The following DSG2 variants were observed in gnomAD, a reference collection of about 807,000 sequenced individuals.
DSG2 encodes the protein desmoglein-2.
DSG2 carries 45 observed loss-of-function variants against 75.6 expected under a neutral mutation model. The ratio of observed to expected loss-of-function variants is 0.60; its 90% CI spans 0.47 to 0.76. DSG2 has a LOEUF of 0.76. Ranked by LOEUF, DSG2 falls within the 30% of genes least tolerant of loss-of-function variation. The probability of loss-of-function intolerance (pLI) is 0.00; values close to 1 mark genes in which losing one functional copy is unlikely to be tolerated. For missense variants in DSG2, 1,267 were observed against 1,357.4 expected, an observed-to-expected ratio of 0.93 and a Z score of 1.05; for synonymous variants, 429 against 483.9, an observed-to-expected ratio of 0.89 and a Z score of 1.49.
chr18:31,507,627 G>A (rs144476456), intron 1 of DSG2, among the ~76,000 whole-genome samples: 3 of 152,296 alleles, frequency 2.0e-5, no homozygotes, highest in African/African-American at 7.2e-5. Flanking sequence ...ATTCTAACTG[G>A]TGTGAGATGG....
At chr18:31,525,972 C>G (rs917845308) in intron 8 of DSG2, among the ~76,000 whole-genome samples, 1 of 152,094 alleles carries the variant, frequency 6.6e-6, no homozygotes, top group Non-Finnish European at 1.5e-5. Context: ...GAAACCCCAT[C>G]TCTACTACTA....
Position 31,546,851 on chromosome 18 carries a change from C to T in DSG2, c.*108C>T, listed in dbSNP as rs2073316056. The T allele has an allele frequency of 1.6e-6, 2 of 1,236,004 alleles. No individual in the cohort carries two copies. The highest frequency in any genetic ancestry group is 4.8e-5 in the East Asian group (2 of 41,794). The allele number at this position is 1,236,004 out of a possible 1,614,324, so 76.6% of individuals were successfully genotyped here. A position where few individuals can be genotyped will look rare whatever the true frequency, so the allele number is the denominator to read the frequency against. On this transcript the variant is annotated 3_prime_UTR_variant, in exon 15 of 15. Coordinates refer to ENST00000261590, the MANE Select transcript of DSG2 (RefSeq NM_001943.5). ...CCTTACAGACACACAGAGACACATA[C>T]ACATTGATCTTAAAATTTTTCTCAG... is the stretch of plus-strand genomic sequence containing the variant.
intron 9 of DSG2, 45 bp from the exon 10 acceptor site, chr18:31,535,225 A>G (rs777622678): frequency 3.0e-6 from 4 of 1,349,752 alleles, no homozygotes; most frequent in East Asian, 2.4e-5. Context: ...GAGGTTTCCA[A>G]TTCATGCAGA....
At position 31,518,233 on chromosome 18, in the gene DSG2, T is replaced by G; in HGVS notation, c.46-6T>G. 6.2e-7 allele frequency: 1 copy of G among 1,611,130 alleles called. No individual in the cohort carries two copies. The highest frequency in any genetic ancestry group is 8.5e-7 in the Non-Finnish European group (1 of 1,177,316). ...TGGCTAAATATCAAATAATTTTATT[T>G]TACAGATCTGCTTTAACGTTGGAAG... On this transcript the variant is annotated splice_polypyrimidine_tract_variant and splice_region_variant and intron_variant, in intron 1 of 14. Transcript: ENST00000261590.
intron 12 of DSG2, among the ~76,000 whole-genome samples, chr18:31,540,345 C>T (rs886673827): frequency 3.9e-5 from 6 of 152,202 alleles, no homozygotes; most frequent in Non-Finnish European, 7.3e-5. Context: ...GCTATGGCTA[C>T]ATATACAGAT....
intron 1 of DSG2, among the ~76,000 whole-genome samples, chr18:31,511,897 C>T (rs181200628): frequency 3.9e-5 from 6 of 152,266 alleles, no homozygotes; most frequent in Admixed American, 2.0e-4. Context: ...CCCTGATAGC[C>T]GCTGTCCCAA....
intron 1 of DSG2, among the ~76,000 whole-genome samples, chr18:31,501,505 G>A (rs2073013686): frequency 6.6e-6 from 1 of 152,170 alleles, no homozygotes; most frequent in African/African-American, 2.4e-5. Context: ...ATCAAGATAT[G>A]GGCAGGGCCA....
intron 1 of DSG2, among the ~76,000 whole-genome samples, chr18:31,510,923 G>C (rs911122203): frequency 6.6e-6 from 1 of 152,112 alleles, no homozygotes; most frequent in African/African-American, 2.4e-5. Flanking sequence ...ATTTTGTCCA[G>C]CCACCCCTCC....
At chr18:31,502,356 C>CA (rs889959496) in intron 1 of DSG2, among the ~76,000 whole-genome samples, 7 of 151,960 alleles carry the variant, frequency 4.6e-5, no homozygotes, top group African/African-American at 1.7e-4. Context: ...CTATATTTTG[C>CA]AAAAAAATCT....
intron 1 of DSG2, among the ~76,000 whole-genome samples, chr18:31,509,852 T>C (rs1188924454): frequency 6.6e-6 from 1 of 152,150 alleles, no homozygotes; most frequent in Non-Finnish European, 1.5e-5. Flanking sequence ...CCAATACAAA[T>C]AGAAAAGTCA....
At chr18:31,522,426 C>A (rs1273555081) in intron 6 of DSG2, 177 bp downstream of exon 6, 9 of 614,070 alleles carry the variant, frequency 1.5e-5, no homozygotes, top group Admixed American at 8.7e-5. Flanking sequence ...CTATTGAGCA[C>A]TTAAAATGTG....
chr18:31,544,907 GTTAC>G lies in DSG2; in HGVS notation c.2335-811_2335-808del, dbSNP rs553366516. Among the ~76,000 whole-genome samples the G allele has an allele frequency of 2.7e-3, 404 of 152,298 alleles. 1 individual carries two copies. Among genetic ancestry groups the G allele is most frequent in the Non-Finnish European group, 4.9e-3 (336 of 68,028 alleles). ...GAGGGGCTTCCATTGAGGAAAGCAA[GTTAC>G]TTCTGTCCCCCTCTTCTAAATTTGC... On this transcript the variant is annotated intron_variant, in intron 14 of 14. Transcript: ENST00000261590.
chr18:31,528,819 CAATG>C (rs2073177751), intron 8 of DSG2, among the ~76,000 whole-genome samples: 1 of 150,792 alleles, frequency 6.6e-6, no homozygotes, highest in Non-Finnish European at 1.5e-5. Flanking sequence ...AAAGGTGAAA[CAATG>C]GGGATAGAAA....
intron 1 of DSG2, among the ~76,000 whole-genome samples, chr18:31,500,585 T>G (rs2073008695): frequency 1.3e-5 from 2 of 152,172 alleles, no homozygotes; most frequent in Admixed American, 6.5e-5. Flanking sequence ...CACTTCCTTC[T>G]TTCAAATCTC....
At chr18:31,520,318 A>T (rs191073049) in intron 3 of DSG2, among the ~76,000 whole-genome samples, 241 of 152,274 alleles carry the variant, frequency 1.6e-3, no homozygotes, top group African/African-American at 5.5e-3. Flanking sequence ...TCTGCCTGAG[A>T]CAGTCGTGGT....
At chr18:31,534,508 A>T (rs1412521937) in intron 9 of DSG2, among the ~76,000 whole-genome samples, 9 of 112,540 alleles carry the variant, frequency 8.0e-5, no homozygotes, top group Admixed American at 1.0e-4. Context: ...ATGATCATTG[A>T]TTTTTTTTTT....
intron 8 of DSG2, among the ~76,000 whole-genome samples, chr18:31,525,849 C>T (rs1321632455): frequency 6.6e-6 from 1 of 152,148 alleles, no homozygotes; most frequent in Non-Finnish European, 1.5e-5. Context: ...TGTCGAATTA[C>T]AGGATGGGCC....
At chr18:31,526,514 C>T (rs1350066763) in intron 8 of DSG2, among the ~76,000 whole-genome samples, 1 of 152,074 alleles carries the variant, frequency 6.6e-6, no homozygotes, top group African/African-American at 2.4e-5. Context: ...AAGAGAAGAA[C>T]TCATGATTAT....
Position 31,546,185 on chromosome 18 carries a change from G to A in DSG2, c.2799G>A (p.Val933=), listed in dbSNP as rs758038429. The change falls in exon 15 of 15, where the codon GTG becomes GTA. Residue 933 remains valine (V), a synonymous_variant. Transcript: ENST00000261590. ...CTGACCCAATGGCTTCTAGAAATGT[G>A]ATAGCAACAGAAACTTCCTATGTCA... ...PLPDPMASRN[V]IATETSYVTG... is the part of the protein sequence containing the mutation. The A allele has an allele frequency of 1.9e-6, 3 of 1,613,944 alleles. No homozygotes were observed. Among genetic ancestry groups the A allele is most frequent in the African/African-American group, 1.3e-5 (1 of 75,000 alleles).
Sources: allele counts gnomAD v4.1 joint callset (sites outside exome capture counted in the v4.1 genomes callset), GRCh38; gene constraint gnomAD v4.1.1; transcripts MANE v1.5; gene names NCBI Gene and HGNC (gene_info 2026-07-23, HGNC 2026-07-21).